The following NAV2 variants were observed in gnomAD, a reference collection of about 807,000 sequenced individuals.
NAV2 encodes the protein neuron navigator 2.
Under a neutral mutation model 223.2 loss-of-function variants are expected in NAV2, and 54 were observed. The ratio of observed to expected loss-of-function variants is 0.24; its 90% CI spans 0.19 to 0.30. The LOEUF (loss-of-function observed/expected upper bound fraction) is 0.30. NAV2 is among the 10% of genes least tolerant of loss of function. NAV2 has a pLI of 1.00. For missense variants in NAV2, 2,806 were observed against 3,147.5 expected (o/e 0.89, Z 2.60); for synonymous variants, 1,279 against 1,239.3 (o/e 1.03, Z -0.67).
At chr11:19,813,082 A>C (rs2152817656) in intron 1 of NAV2, among the ~76,000 whole-genome samples, 1 of 152,134 alleles carries the variant, frequency 6.6e-6, no homozygotes, top group Non-Finnish European at 1.5e-5. Context: ...GAAGGCTCAA[A>C]CTCTTCTTTG....
chr11:19,458,948 C>G lies in NAV2; in HGVS notation c.75+107921C>G, dbSNP rs116296576. 8.6e-3 allele frequency among the ~76,000 whole-genome samples: 1,314 copies of G among 152,330 alleles called. 22 individuals are homozygous for G. The highest frequency in any genetic ancestry group is 0.03 in the African/African-American group (1,249 of 41,568). On this transcript the variant is annotated intron_variant, in intron 1 of 37. Transcript: ENST00000360655. ...GCCACTGTTGCAGAGACAGCATGAGCCACAGCAGGGAGTCTTGAGTGTGCG... is the reference window on the plus strand; with the variant it reads ...GCCACTGTTGCAGAGACAGCATGAGGCACAGCAGGGAGTCTTGAGTGTGCG...
intron 1 of NAV2, among the ~76,000 whole-genome samples, chr11:19,466,678 T>C (rs916338561): frequency 1.3e-5 from 2 of 152,190 alleles, no homozygotes; most frequent in African/African-American, 4.8e-5. Flanking sequence ...AGCCACGGGA[T>C]GAACCCAGAG....
At chr11:20,068,860 CATTCA>C (rs1334703040) in intron 22 of NAV2, among the ~76,000 whole-genome samples, 3 of 152,178 alleles carry the variant, frequency 2.0e-5, no homozygotes, top group Non-Finnish European at 2.9e-5. Context: ...TGCCAACCAG[CATTCA>C]ATTCAACAAC....
chr11:19,697,107 A>T (rs1270574457), intron 1 of NAV2, among the ~76,000 whole-genome samples: 1 of 152,214 alleles, frequency 6.6e-6, no homozygotes, highest in Non-Finnish European at 1.5e-5. Context: ...CATAAAAAAG[A>T]ACAAAATCAT....
chr11:19,540,061 G>T (rs539875577), intron 1 of NAV2, among the ~76,000 whole-genome samples: 2 of 152,288 alleles, frequency 1.3e-5, no homozygotes, highest in African/African-American at 4.8e-5. Flanking sequence ...AACTGAGGGG[G>T]TAAACACGAT....
At chr11:20,077,455 A>AATGGACCCACAGGATTTTC in intron 22 of NAV2, 97 bp from the exon 23 acceptor site, 1 of 895,000 alleles carries the variant, frequency 1.1e-6, no homozygotes, top group Non-Finnish European at 1.8e-6. Flanking sequence ...AGCCTAGATC[A>AATGGACCCACAGGATTTTC]ATGGACCCAC....
At chr11:19,400,803 G>A (rs924174977) in intron 1 of NAV2, among the ~76,000 whole-genome samples, 1 of 152,176 alleles carries the variant, frequency 6.6e-6, no homozygotes, top group Non-Finnish European at 1.5e-5. Flanking sequence ...TCATCTTGAT[G>A]GAAAATGGCT....
In NAV2 at chr11:20,074,760, C is replaced by CCT. The variant is rs56895607; in HGVS notation, c.4984-2792_4984-2791insCT. On this transcript the variant is annotated intron_variant, in intron 22 of 37. Coordinates refer to ENST00000349880, the MANE Select transcript of NAV2 (RefSeq NM_145117.5). Reference sequence around the variant, plus strand: ...ATTGGAGACTAGGATTGCAACTCTGCTTTTTTTTTTTTTTTTGCTTTCCAT... The same window carrying CCT: ...ATTGGAGACTAGGATTGCAACTCTGCCTTTTTTTTTTTTTTTTTGCTTTCCAT... Among the ~76,000 whole-genome samples the CCT allele has an allele frequency of 2.1e-3, 234 of 110,116 alleles. 4 individuals are homozygous for CCT. The highest frequency in any genetic ancestry group is 4.2e-3 in the South Asian group (12 of 2,858). 72.2% of individuals were successfully genotyped at this position (110,116 alleles called of 152,430 possible).
At chr11:19,507,712 A>C (rs566037458) in intron 1 of NAV2, among the ~76,000 whole-genome samples, 48 of 152,334 alleles carry the variant, frequency 3.2e-4, no homozygotes, top group African/African-American at 1.1e-3. Context: ...TATTAATGAA[A>C]TCATCATCAT....
intron 1 of NAV2, among the ~76,000 whole-genome samples, chr11:19,829,940 TC>T (rs1223232480): frequency 6.6e-6 from 1 of 152,188 alleles, no homozygotes; most frequent in Non-Finnish European, 1.5e-5. Flanking sequence ...ACTTTTAAAA[TC>T]TGGGACCGGG....
In NAV2 at chr11:19,673,814, C is replaced by G. The variant is rs575391007; in HGVS notation, c.76-158670C>G. 3.3e-5 allele frequency among the ~76,000 whole-genome samples: 5 copies of G among 152,286 alleles called. 1 individual carries two copies. Among genetic ancestry groups the G allele is most frequent in the African/African-American group, 1.2e-4 (5 of 41,564 alleles). On this transcript the variant is annotated intron_variant, in intron 1 of 37. Coordinates refer to the NAV2 transcript ENST00000360655. ...AATGTGAGCAACCAGGGCTCAGGGG[C>G]AGGGTCCCAGGATCCTTTCAGGCCA... is the stretch of plus-strand genomic sequence containing the variant.
At chr11:19,382,584 G>T (rs1232154010) in intron 1 of NAV2, among the ~76,000 whole-genome samples, 1 of 152,184 alleles carries the variant, frequency 6.6e-6, no homozygotes, top group Non-Finnish European at 1.5e-5. Context: ...CCACATTGCA[G>T]AGGAGGAAAC....
At chr11:19,932,421 T>C (rs2045460165) in intron 6 of NAV2, among the ~76,000 whole-genome samples, 2 of 152,108 alleles carry the variant, frequency 1.3e-5, no homozygotes, top group African/African-American at 4.8e-5. Context: ...CTGCAACCTC[T>C]ACTTCTCCTG....
intron 10 of NAV2, among the ~76,000 whole-genome samples, chr11:19,952,880 TA>T (rs2047511259): frequency 6.6e-6 from 1 of 152,198 alleles, no homozygotes; most frequent in African/African-American, 2.4e-5. Context: ...TGTGTGTTCT[TA>T]TATTGTGCCT....
chr11:19,608,853 C>T (rs2046553199), intron 1 of NAV2, among the ~76,000 whole-genome samples: 1 of 152,218 alleles, frequency 6.6e-6, no homozygotes, highest in African/African-American at 2.4e-5. Flanking sequence ...CCTGGAGGCT[C>T]TAGAGGGAGA....
At chr11:20,115,587 G>A (rs186152007) in intron 37 of NAV2, among the ~76,000 whole-genome samples, 9 of 131,604 alleles carry the variant, frequency 6.8e-5, no homozygotes, top group East Asian at 2.3e-4. Context: ...AGACGAGATC[G>A]CGCCACTGCA....
At chr11:19,599,380 G>A (rs189758868) in intron 1 of NAV2, among the ~76,000 whole-genome samples, 40 of 152,238 alleles carry the variant, frequency 2.6e-4, no homozygotes, top group African/African-American at 8.9e-4. Context: ...GCCAACCTGC[G>A]AGGTTGTCTT....
At chr11:19,364,970 G>A (rs1854181047) in intron 1 of NAV2, among the ~76,000 whole-genome samples, 1 of 152,134 alleles carries the variant, frequency 6.6e-6, no homozygotes, top group Non-Finnish European at 1.5e-5. Flanking sequence ...AAGATCTCTG[G>A]GAAAAATTTT....
At chr11:19,354,591 C>A (rs1325926047) in intron 1 of NAV2, among the ~76,000 whole-genome samples, 5 of 152,186 alleles carry the variant, frequency 3.3e-5, no homozygotes, top group Non-Finnish European at 4.4e-5. Flanking sequence ...TTGAATTTCC[C>A]TTTTAATTGA....
Sources: allele counts gnomAD v4.1 joint callset (sites outside exome capture counted in the v4.1 genomes callset), GRCh38; gene constraint gnomAD v4.1.1; transcripts MANE v1.5; gene names NCBI Gene and HGNC (gene_info 2026-07-23, HGNC 2026-07-21).